Variants in CFAP299 observed in about 807,000 individuals in gnomAD.
The protein encoded by CFAP299 is cilia- and flagella-associated protein 299.
In CFAP299, 21 loss-of-function variants were observed where a neutral mutation model predicts 27.0. The ratio of observed to expected loss-of-function variants is 0.78; its 90% confidence interval spans 0.55 to 1.12. The LOEUF is 1.12. Among genes scored for constraint, CFAP299 ranks in the 50% most tolerant of loss-of-function variants. CFAP299 has a pLI of 0.00. For missense variants in CFAP299, 310 were observed against 276.6 expected (o/e 1.12, Z -0.86); for synonymous variants, 104 against 98.1 (o/e 1.06, Z -0.36).
intron 2 of CFAP299, among the ~76,000 whole-genome samples, chr4:80,453,390 T>C (rs1467648687): frequency 1.3e-5 from 2 of 152,212 alleles, no homozygotes. Flanking sequence ...TTTATCATTC[T>C]TTTATTTCTT....
At chr4:80,458,092 C>T (rs566992508) in intron 2 of CFAP299, among the ~76,000 whole-genome samples, 6 of 151,762 alleles carry the variant, frequency 4.0e-5, no homozygotes, top group East Asian at 3.9e-4. Context: ...GTTTTTAGCC[C>T]GTTTATACTC....
intron 2 of CFAP299, among the ~76,000 whole-genome samples, chr4:80,456,983 C>CT (rs34551414): frequency 0.28 from 39,596 of 142,780 alleles, 5,591 homozygotes; most frequent in Middle Eastern, 0.49. Flanking sequence ...ATTCCAAATG[C>CT]TTTTTTTTTT....
intron 4 of CFAP299, among the ~76,000 whole-genome samples, chr4:80,882,582 A>T (rs77676359): frequency 1.3e-5 from 2 of 151,964 alleles, no homozygotes; most frequent in African/African-American, 4.8e-5. Flanking sequence ...AGCTTGCAGT[A>T]AGCCGAGATA....
chr4:80,622,964 G>A (rs1738683106), intron 3 of CFAP299, among the ~76,000 whole-genome samples: 1 of 152,138 alleles, frequency 6.6e-6, no homozygotes, highest in East Asian at 1.9e-4. Context: ...GGCTTTGTAG[G>A]ACACTGTAGA....
chr4:80,837,128 T>C (rs1349603427), intron 3 of CFAP299, among the ~76,000 whole-genome samples: 1 of 152,116 alleles, frequency 6.6e-6, no homozygotes, highest in Admixed American at 6.6e-5. Flanking sequence ...TTTTATAAAT[T>C]AGAAAACTGA....
intron 3 of CFAP299, among the ~76,000 whole-genome samples, chr4:80,638,885 C>T (rs1417859239): frequency 2.6e-5 from 4 of 152,162 alleles, no homozygotes; most frequent in East Asian, 1.9e-4. Context: ...TATTTTCTCA[C>T]ATTTCCAGAG....
chr4:80,695,128 C>T (rs959754246), intron 3 of CFAP299, among the ~76,000 whole-genome samples: 1 of 152,072 alleles, frequency 6.6e-6, no homozygotes, highest in Admixed American at 6.5e-5. Context: ...TATTTGGGGA[C>T]AGGATAGTAT....
chr4:80,782,341 T>G (rs1726927924), intron 3 of CFAP299, among the ~76,000 whole-genome samples: 1 of 151,884 alleles, frequency 6.6e-6, no homozygotes, highest in South Asian at 2.1e-4. Context: ...CTCCTGAATT[T>G]AGCAGTTTGT....
At chr4:80,737,537 A>C (rs1451131479) in intron 3 of CFAP299, among the ~76,000 whole-genome samples, 1 of 152,016 alleles carries the variant, frequency 6.6e-6, no homozygotes, top group Non-Finnish European at 1.5e-5. Flanking sequence ...CTAGGAACTT[A>C]ATACATTTCT....
intron 2 of CFAP299, among the ~76,000 whole-genome samples, chr4:80,408,032 A>G (rs1461812325): frequency 2.0e-5 from 3 of 152,120 alleles, no homozygotes; most frequent in Admixed American, 2.0e-4. Context: ...ACTACCATAG[A>G]GTCTCACATT....
At chr4:80,793,627 G>A (rs1368815471) in intron 3 of CFAP299, among the ~76,000 whole-genome samples, 1 of 151,954 alleles carries the variant, frequency 6.6e-6, no homozygotes, top group Admixed American at 6.6e-5. Flanking sequence ...ACTATCCTTC[G>A]TACAACCAGA....
chr4:80,951,403 A>T (rs899054768), intron 5 of CFAP299, among the ~76,000 whole-genome samples: 10 of 152,116 alleles, frequency 6.6e-5, no homozygotes, highest in African/African-American at 2.4e-4. Flanking sequence ...TTGTATCAAT[A>T]CTCCTGACTA....
intron 3 of CFAP299, among the ~76,000 whole-genome samples, chr4:80,697,190 A>G (rs1209699354): frequency 6.8e-6 from 1 of 148,128 alleles, no homozygotes; most frequent in Non-Finnish European, 1.5e-5. Flanking sequence ...CAAAAATTTG[A>G]AAAAAAAAAT....
intron 3 of CFAP299, among the ~76,000 whole-genome samples, chr4:80,865,360 A>G (rs1174821496): frequency 2.6e-5 from 4 of 152,210 alleles, no homozygotes; most frequent in Admixed American, 2.6e-4. Context: ...ATTCTTAGGC[A>G]ATCCACAAAA....
chr4:80,692,220 A>G (rs560843337), intron 3 of CFAP299, among the ~76,000 whole-genome samples: 1 of 152,342 alleles, frequency 6.6e-6, no homozygotes, highest in East Asian at 1.9e-4. Context: ...GCACCAAAAA[A>G]GAGCCCGCAT....
chr4:80,802,487 A>G (rs535754246), intron 3 of CFAP299, among the ~76,000 whole-genome samples: 2 of 152,154 alleles, frequency 1.3e-5, no homozygotes, highest in African/African-American at 4.8e-5. Context: ...ATGTCAGTTC[A>G]TAAGTTGTCA....
chr4:80,462,550 G>A (rs1267326756), intron 2 of CFAP299, among the ~76,000 whole-genome samples: 1 of 152,116 alleles, frequency 6.6e-6, no homozygotes, highest in Non-Finnish European at 1.5e-5. Flanking sequence ...CACAGAGTTT[G>A]GGTTTTATCT....
intron 3 of CFAP299, among the ~76,000 whole-genome samples, chr4:80,635,215 T>TA (rs1333250832): frequency 6.6e-6 from 1 of 152,130 alleles, no homozygotes; most frequent in Non-Finnish European, 1.5e-5. Context: ...ATTTCAGATA[T>TA]AATTCCAGCT....
At chr4:80,659,093 A>G (rs1740702139) in intron 3 of CFAP299, among the ~76,000 whole-genome samples, 1 of 152,118 alleles carries the variant, frequency 6.6e-6, no homozygotes, top group Non-Finnish European at 1.5e-5. Context: ...CTAAGTATGG[A>G]ACTTCATATA....
Sources: allele counts gnomAD v4.1 joint callset (sites outside exome capture counted in the v4.1 genomes callset), GRCh38; gene constraint gnomAD v4.1.1; transcripts MANE v1.5; gene names NCBI Gene and HGNC (gene_info 2026-07-23, HGNC 2026-07-21).